The following EEA1 variants were observed in gnomAD, a reference collection of about 807,000 sequenced individuals.
The protein encoded by EEA1 is early endosome antigen 1, 162kD.
EEA1 carries 111 observed loss-of-function variants against 209.2 expected under a neutral mutation model. The ratio of observed to expected loss-of-function variants is 0.53; its 90% confidence interval spans 0.45 to 0.62. EEA1 has a LOEUF of 0.62. EEA1 is among the 20% of genes least tolerant of loss of function. The pLI is 0.00. For missense variants in EEA1, 1,343 were observed against 1,530.8 expected (o/e 0.88, Z 2.05); for synonymous variants, 536 against 540.6 (o/e 0.99, Z 0.12).
chr12:92,904,980 C>T (rs1592770190), intron 1 of EEA1, among the ~76,000 whole-genome samples: 1 of 152,174 alleles, frequency 6.6e-6, no homozygotes, highest in Non-Finnish European at 1.5e-5. Flanking sequence ...CCTCTCTATG[C>T]CTGAAGGTCA....
In EEA1 at chr12:92,802,631, C is replaced by G; in HGVS notation, c.2443G>C (p.Asp815His). Residue 815 changes from aspartate (D) to histidine (H), a missense_variant, in exon 19 of 29, where the codon GAT becomes CAT. Asp to His is a moderately conservative substitution (Grantham distance 81). Coordinates refer to ENST00000322349, the MANE Select transcript of EEA1 (RefSeq NM_003566.4). ...GTTTCTTGACTTAAAGTTTCAAAAT[C>G]TTGTTTCAGGATTTTTTTTTCTTCC... ...QEEEKKILKQ[D>H]FETLSQETKI... 6.2e-7 allele frequency: 1 copy of G among 1,604,994 alleles called. No homozygotes were observed.
chr12:92,885,406 A>C (rs921188183), intron 2 of EEA1, among the ~76,000 whole-genome samples: 1 of 152,212 alleles, frequency 6.6e-6, no homozygotes, highest in Non-Finnish European at 1.5e-5. Flanking sequence ...AGTCAATGTA[A>C]AGGTAAAAAG....
At chr12:92,868,774 T>C (rs376515034) in intron 2 of EEA1, among the ~76,000 whole-genome samples, 19 of 152,208 alleles carry the variant, frequency 1.2e-4, no homozygotes, top group African/African-American at 4.3e-4. Context: ...AAAATACATA[T>C]AATTCCGCAC....
intron 3 of EEA1, 56 bp from the exon 4 acceptor site, chr12:92,857,541 G>A: frequency 8.7e-7 from 1 of 1,150,964 alleles, no homozygotes. Flanking sequence ...TTAACAAACT[G>A]GTCTTAAGAA....
chr12:92,826,808 C>T lies in EEA1; in HGVS notation c.1405-523G>A, dbSNP rs1488565512. Among the ~76,000 whole-genome samples the T allele has an allele frequency of 2.0e-5, 3 of 151,792 alleles. No individual in the cohort carries two copies. In the East Asian group the frequency reaches 5.8e-4, roughly 29 times the overall value. On this transcript the variant is annotated intron_variant, in intron 12 of 28. Transcript: ENST00000322349. ...AAAGAAAGTATTTTCTATAAATAGG[C>T]TTATCCTAAAAAAACTTTCTCCAGG...
intron 5 of EEA1, among the ~76,000 whole-genome samples, chr12:92,854,514 C>G (rs756219709): frequency 2.6e-5 from 4 of 152,276 alleles, no homozygotes; most frequent in Non-Finnish European, 4.4e-5. Flanking sequence ...CTTATCATAC[C>G]GCAGATCTGA....
At chr12:92,827,804 T>C in intron 12 of EEA1, 108 bp downstream of exon 12, 1 of 1,190,556 alleles carries the variant, frequency 8.4e-7, no homozygotes, top group Non-Finnish European at 1.1e-6. Flanking sequence ...AGCAATAAAT[T>C]TGCACTTTAA....
intron 2 of EEA1, among the ~76,000 whole-genome samples, chr12:92,877,818 G>C (rs1290951883): frequency 6.6e-6 from 1 of 152,194 alleles, no homozygotes; most frequent in Non-Finnish European, 1.5e-5. Flanking sequence ...AATGAGATTT[G>C]ATAGGTAGGT....
chr12:92,871,574 A>G (rs1878648599), intron 2 of EEA1, among the ~76,000 whole-genome samples: 1 of 152,230 alleles, frequency 6.6e-6, no homozygotes. Context: ...ACAGAAAAAT[A>G]TTTTTATAAA....
intron 3 of EEA1, 111 bp from the exon 4 acceptor site, chr12:92,857,596 C>CA (rs998029776): frequency 8.6e-4 from 510 of 589,934 alleles, no homozygotes; most frequent in Middle Eastern, 1.6e-3. Flanking sequence ...TTTTTCAATT[C>CA]AAAAAAAAAC....
At chr12:92,882,295 A>G (rs1185615636) in intron 2 of EEA1, among the ~76,000 whole-genome samples, 2 of 151,944 alleles carry the variant, frequency 1.3e-5, no homozygotes, top group Non-Finnish European at 1.5e-5. Flanking sequence ...TTTAGTAGAA[A>G]CATGGTTTCA....
At chr12:92,917,271 C>T (rs1358104789) in intron 1 of EEA1, among the ~76,000 whole-genome samples, 17 of 126,150 alleles carry the variant, frequency 1.3e-4, no homozygotes, top group Admixed American at 7.6e-5. Flanking sequence ...TCGAGAAGAG[C>T]AACTCCAAGA....
chr12:92,803,808 T>G (rs940191431), intron 18 of EEA1, among the ~76,000 whole-genome samples: 17 of 152,160 alleles, frequency 1.1e-4, no homozygotes, highest in Admixed American at 7.9e-4. Flanking sequence ...ATACTAATAT[T>G]ATTTTACATT....
intron 13 of EEA1, among the ~76,000 whole-genome samples, chr12:92,824,259 C>T (rs1437290324): frequency 1.3e-5 from 2 of 152,218 alleles, no homozygotes; most frequent in African/African-American, 2.4e-5. Context: ...CTCACTACCA[C>T]TCTAATCCAA....
At chr12:92,852,794 T>C (rs1877687561) in intron 7 of EEA1, 118 bp downstream of exon 7, 9 of 649,278 alleles carry the variant, frequency 1.4e-5, no homozygotes, top group Non-Finnish European at 2.3e-5. Flanking sequence ...TTAATCACCA[T>C]TGGAAGTCTA....
At chr12:92,856,233 TG>T (rs1877872590) in intron 5 of EEA1, among the ~76,000 whole-genome samples, 1 of 152,214 alleles carries the variant, frequency 6.6e-6, no homozygotes, top group Non-Finnish European at 1.5e-5. Flanking sequence ...TAAAATTATT[TG>T]GTAAAACTTC....
chr12:92,922,907 G>A (rs892998688), intron 1 of EEA1, among the ~76,000 whole-genome samples: 1 of 151,418 alleles, frequency 6.6e-6, no homozygotes, highest in African/African-American at 2.4e-5. Context: ...GCAGTGAGCT[G>A]AGATTGCACC....
chr12:92,928,967 G>A, intron 1 of EEA1, 76 bp downstream of exon 1: 1 of 1,488,426 alleles, frequency 6.7e-7, no homozygotes, highest in South Asian at 1.2e-5. Context: ...GCGCTGAGGA[G>A]GGGCGCCCGC....
At chr12:92,900,536 G>A (rs1197400521) in intron 1 of EEA1, among the ~76,000 whole-genome samples, 1 of 151,312 alleles carries the variant, frequency 6.6e-6, no homozygotes, top group Non-Finnish European at 1.5e-5. Context: ...TAATATAATT[G>A]AGACATGAAT....
Sources: gnomAD v4.1 joint callset for allele counts (sites outside exome capture counted in the v4.1 genomes callset) on GRCh38, gnomAD v4.1.1 for gene constraint, MANE v1.5 for transcripts, NCBI Gene and HGNC (gene_info 2026-07-23, HGNC 2026-07-21) for gene names.